The following TTLL5 variants were observed in gnomAD, a reference collection of about 807,000 sequenced individuals.
The protein encoded by TTLL5 is tubulin polyglutamylase TTLL5.
A neutral mutation model predicts 168.4 loss-of-function variants in TTLL5; 132 were observed. The observed-to-expected ratio is 0.78, with a 90% confidence interval of 0.68 to 0.91. The LOEUF (loss-of-function observed/expected upper bound fraction) is 0.91, where lower values mean the gene tolerates loss of function less well. Among genes scored for constraint, TTLL5 ranks in the 40% least tolerant of loss-of-function variants. TTLL5 has a pLI of 0.00. For missense variants in TTLL5, 1,545 were observed against 1,581.5 expected (o/e 0.98, Z 0.39); for synonymous variants, 546 against 558.6 (o/e 0.98, Z 0.32).
At chr14:75,852,261 C>G (rs143177432) in intron 28 of TTLL5, among the ~76,000 whole-genome samples, 63 of 152,342 alleles carry the variant, frequency 4.1e-4, no homozygotes, top group African/African-American at 1.4e-3. Context: ...TGAATTCTCA[C>G]TATCTCAGTG....
chr14:75,905,719 A>G (rs573364691), intron 31 of TTLL5, among the ~76,000 whole-genome samples: 216 of 152,178 alleles, frequency 1.4e-3, no homozygotes, highest in Non-Finnish European at 2.5e-3. Flanking sequence ...GTAAACTAAA[A>G]TAGCAGAGAG....
At chr14:75,899,313 G>A (rs559275690) in intron 30 of TTLL5, among the ~76,000 whole-genome samples, 1 of 152,280 alleles carries the variant, frequency 6.6e-6, no homozygotes, top group East Asian at 1.9e-4. Context: ...AAGCAGCAAA[G>A]AATCATTGCA....
rs539134416 is a variant in TTLL5 at position 75,911,170 on chromosome 14, G to A, written c.3823+8946G>A. ...CGCCTCCCGAGTAGCTGGGATTACC[G>A]GCATGCGCCACCATGCATGGCTAAT... On this transcript the variant is annotated intron_variant, in intron 31 of 31. Coordinates refer to ENST00000298832, the MANE Select transcript of TTLL5 (RefSeq NM_015072.5). Among the ~76,000 whole-genome samples the A allele has an allele frequency of 5.3e-5, 8 of 152,186 alleles. No homozygotes were observed. The South Asian group carries it at 1.0e-3, about 20-fold the overall frequency.
intron 3 of TTLL5, among the ~76,000 whole-genome samples, chr14:75,674,999 A>G (rs1166964348): frequency 2.6e-5 from 4 of 152,154 alleles, no homozygotes; most frequent in Non-Finnish European, 5.9e-5. Flanking sequence ...CATTGGAAAT[A>G]TTCGGTCTAT....
chr14:75,745,048 GA>G, intron 15 of TTLL5, 46 bp from the exon 16 acceptor site: 1 of 1,534,522 alleles, frequency 6.5e-7, no homozygotes, highest in Non-Finnish European at 8.9e-7. Context: ...GAGGAGTAAT[GA>G]AAACTTAAAA....
intron 1 of TTLL5, 51 bp downstream of exon 1, chr14:75,661,438 G>A (rs973537524): frequency 6.6e-6 from 1 of 152,328 alleles, no homozygotes. Flanking sequence ...AGCATTCCCG[G>A]GTCCGGGCTG....
intron 29 of TTLL5, among the ~76,000 whole-genome samples, chr14:75,875,676 C>T (rs192638681): frequency 3.3e-5 from 5 of 152,064 alleles, no homozygotes; most frequent in Admixed American, 2.0e-4. Context: ...GAAAAAATGC[C>T]ATTAAAAACA....
At chr14:75,743,275 C>G (rs940787620) in intron 15 of TTLL5, among the ~76,000 whole-genome samples, 1 of 152,136 alleles carries the variant, frequency 6.6e-6, no homozygotes, top group Non-Finnish European at 1.5e-5. Context: ...TAGTTGGTCT[C>G]TCTTGTGTCC....
intron 31 of TTLL5, among the ~76,000 whole-genome samples, chr14:75,920,203 A>G (rs986531669): frequency 6.6e-6 from 1 of 152,210 alleles, no homozygotes. Flanking sequence ...CAAATCATTT[A>G]TATGGCAAGG....
At chr14:75,664,190 A>G (rs1456061283) in intron 2 of TTLL5, among the ~76,000 whole-genome samples, 1 of 152,004 alleles carries the variant, frequency 6.6e-6, no homozygotes, top group Non-Finnish European at 1.5e-5. Context: ...AGGTGTTATT[A>G]TTTTCACTTT....
intron 28 of TTLL5, among the ~76,000 whole-genome samples, chr14:75,829,292 G>A (rs1217118292): frequency 6.6e-6 from 1 of 152,034 alleles, no homozygotes; most frequent in Admixed American, 6.6e-5. Context: ...GAATCTGAGA[G>A]GATCAAAGAA....
At chr14:75,702,496 T>C (rs1886342781) in intron 7 of TTLL5, among the ~76,000 whole-genome samples, 1 of 152,234 alleles carries the variant, frequency 6.6e-6, no homozygotes, top group African/African-American at 2.4e-5. Flanking sequence ...ATAGGATCTA[T>C]TCCCAGCTCA....
intron 31 of TTLL5, among the ~76,000 whole-genome samples, chr14:75,940,912 T>C (rs2034582141): frequency 6.6e-6 from 1 of 152,222 alleles, no homozygotes; most frequent in Non-Finnish European, 1.5e-5. Context: ...ATTAGGCTTG[T>C]TGTATTAATG....
intron 29 of TTLL5, among the ~76,000 whole-genome samples, chr14:75,876,650 G>A (rs2031501816): frequency 6.6e-6 from 1 of 152,150 alleles, no homozygotes; most frequent in African/African-American, 2.4e-5. Flanking sequence ...TCGTAGTACT[G>A]CCCAGTGCTT....
At chr14:75,874,434 C>T (rs2031294621) in intron 29 of TTLL5, among the ~76,000 whole-genome samples, 1 of 151,836 alleles carries the variant, frequency 6.6e-6, no homozygotes, top group Non-Finnish European at 1.5e-5. Context: ...AGATTATTGA[C>T]ATGTTTGTCC....
intron 27 of TTLL5, among the ~76,000 whole-genome samples, chr14:75,800,056 A>C (rs1355518918): frequency 6.6e-6 from 1 of 152,168 alleles, no homozygotes; most frequent in Non-Finnish European, 1.5e-5. Flanking sequence ...TCCCCCAAAT[A>C]AGTTTTCCAA....
chr14:75,823,390 G>T (rs899155999), intron 28 of TTLL5, among the ~76,000 whole-genome samples: 2 of 152,154 alleles, frequency 1.3e-5, no homozygotes, highest in African/African-American at 4.8e-5. Flanking sequence ...CACTCAGTGG[G>T]TTCTTAGTGC....
At chr14:75,954,080 C>T (rs1343008962) in intron 31 of TTLL5, among the ~76,000 whole-genome samples, 1 of 151,860 alleles carries the variant, frequency 6.6e-6, no homozygotes, top group Non-Finnish European at 1.5e-5. Context: ...AACCCCATCT[C>T]CACTAAAAAT....
intron 28 of TTLL5, among the ~76,000 whole-genome samples, chr14:75,859,543 T>C (rs892456047): frequency 1.3e-5 from 2 of 152,150 alleles, no homozygotes; most frequent in Non-Finnish European, 2.9e-5. Context: ...GTTGTAGAAG[T>C]AAAGTAAATC....
Sources: gnomAD v4.1 joint callset for allele counts (sites outside exome capture counted in the v4.1 genomes callset) on GRCh38, gnomAD v4.1.1 for gene constraint, MANE v1.5 for transcripts, NCBI Gene and HGNC (gene_info 2026-07-23, HGNC 2026-07-21) for gene names.